SENP8: variants seen among roughly 807,000 people sequenced by gnomAD.
SENP8 encodes SUMO peptidase family member, NEDD8 specific, also known as sentrin-specific protease 8.
Under a neutral mutation model 14.4 loss-of-function variants are expected in SENP8, and 10 were observed. That is an observed-to-expected ratio of 0.69 (90% CI 0.43 to 1.18). SENP8 has a LOEUF of 1.18. SENP8 is among the 50% of genes most tolerant of loss of function. SENP8 has a pLI of 0.00. For synonymous variants in SENP8, 94 were observed against 95.5 expected, an observed-to-expected ratio of 0.98 and a Z score of 0.09; for missense variants, 202 against 249.4, an observed-to-expected ratio of 0.81 and a Z score of 1.28.
At chr15:72,128,559 G>A (rs1050197193) in intron 1 of SENP8, among the ~76,000 whole-genome samples, 6 of 152,170 alleles carry the variant, frequency 3.9e-5, no homozygotes, top group African/African-American at 1.4e-4. Flanking sequence ...ATTTCATGCT[G>A]ATTTTGCATT....
chr15:72,137,473 A>T (rs1224430005), intron 1 of SENP8, among the ~76,000 whole-genome samples: 1 of 152,122 alleles, frequency 6.6e-6, no homozygotes, highest in Admixed American at 6.5e-5. Context: ...CATCTTTATC[A>T]TACCCCTTGA....
chr15:72,115,995 A>T (rs533844842), upstream of SENP8, among the ~76,000 whole-genome samples: 18 of 152,356 alleles, frequency 1.2e-4, no homozygotes, highest in Non-Finnish European at 2.4e-4. Context: ...AATGACCTCT[A>T]GGATGTAGTA....
intron 1 of SENP8, among the ~76,000 whole-genome samples, chr15:72,137,413 C>G (rs181776479): frequency 1.8e-3 from 281 of 152,160 alleles, no homozygotes; most frequent in Admixed American, 2.8e-3. Flanking sequence ...CCCATACTAC[C>G]TTTTAAAAGA....
At position 72,143,127 on chromosome 15, in the gene SENP8, G is replaced by A. The variant is rs1204233939; in HGVS notation, c.*2865G>A. The A allele has an allele frequency of 6.6e-6, 1 of 152,222 alleles. No homozygotes were observed. The highest frequency in any genetic ancestry group is 1.5e-5 in the Non-Finnish European group (1 of 68,104). 9.4% of individuals were successfully genotyped at this position (152,222 alleles called of 1,614,324 possible). A position where few individuals can be genotyped will look rare whatever the true frequency, so the allele number is the denominator to read the frequency against. On this transcript the variant is annotated 3_prime_UTR_variant, in exon 2 of 2. Coordinates refer to ENST00000340912, the MANE Select transcript of SENP8 (RefSeq NM_145204.4). Reference sequence around the variant, plus strand: ...GCAGGAGAATCACTTGAACCTGGGAGGCGGAGGTTGCAGTGAGCTGAGATT... The same window carrying A: ...GCAGGAGAATCACTTGAACCTGGGAAGCGGAGGTTGCAGTGAGCTGAGATT...
At chr15:72,114,801 A>G (rs1031903121), upstream of SENP8, among the ~76,000 whole-genome samples, 19 of 152,218 alleles carry the variant, frequency 1.2e-4, no homozygotes, top group African/African-American at 4.6e-4. Flanking sequence ...TGGTTTTTAA[A>G]ATGTCTGAAA....
At chr15:72,117,229 TTGG>T (rs1164177271), upstream of SENP8, 1 of 152,096 alleles carries the variant, frequency 6.6e-6, no homozygotes, top group African/African-American at 2.4e-5. Flanking sequence ...GCTAGTCGGC[TTGG>T]TGATGAGCGA....
At position 72,141,803 on chromosome 15, in the gene SENP8, GAA is replaced by G. The variant is rs1363076946; in HGVS notation, c.*1542_*1543del. On this transcript the variant is annotated 3_prime_UTR_variant, in exon 2 of 2. Coordinates refer to ENST00000340912, the MANE Select transcript of SENP8 (RefSeq NM_145204.4). ...AAGATGGGGCTAGGAAAAAGATTAG[GAA>G]CTGGCAGTCATCCATAGAGGTGAAA... 1 of 151,788 alleles carries G rather than the reference GAA, an allele frequency of 6.6e-6. No homozygotes were observed. The highest frequency in any genetic ancestry group is 2.4e-5 in the African/African-American group (1 of 41,060). 9.4% of individuals were successfully genotyped at this position (151,788 alleles called of 1,614,324 possible).
chr15:72,123,764 G>A (rs977439829), intron 1 of SENP8, among the ~76,000 whole-genome samples: 1 of 152,078 alleles, frequency 6.6e-6, no homozygotes, highest in South Asian at 2.1e-4. Flanking sequence ...GATCTAGAAC[G>A]CCCGACCTCA....
At chr15:72,129,123 ACT>A (rs1167223262) in intron 1 of SENP8, among the ~76,000 whole-genome samples, 1 of 152,180 alleles carries the variant, frequency 6.6e-6, no homozygotes, top group African/African-American at 2.4e-5. Context: ...TTAATTTAAA[ACT>A]CTAATACATA....
At position 72,139,612 on chromosome 15, in the gene SENP8, C is replaced by T. The variant is rs1198734663; in HGVS notation, c.-12C>T. 2 of 1,606,416 alleles carry T rather than the reference C, an allele frequency of 1.2e-6. No individual in the cohort carries two copies. The highest frequency in any genetic ancestry group is 1.7e-6 in the Non-Finnish European group (2 of 1,175,098). On this transcript the variant is annotated 5_prime_UTR_variant, in exon 2 of 2. Transcript: ENST00000340912. ...GCTTCTGGAATTTCTGAGCAGCCCT[C>T]GTCAGTACAAGATGGACCCCGTAGT...
upstream of SENP8, chr15:72,117,789 C>A: frequency 2.5e-6 from 1 of 398,282 alleles, no homozygotes; most frequent in East Asian, 3.6e-5. Context: ...CCGAGGCCAC[C>A]GAGGGTCGGA....
chr15:72,117,348 C>T (rs1231273367), upstream of SENP8, among the ~76,000 whole-genome samples: 1 of 152,098 alleles, frequency 6.6e-6, no homozygotes, highest in Non-Finnish European at 1.5e-5. Flanking sequence ...CACGTCAGCC[C>T]AAGGGAGGAT....
At chr15:72,117,862 C>G, upstream of SENP8, 3 of 398,606 alleles carry the variant, frequency 7.5e-6, no homozygotes, top group Non-Finnish European at 1.3e-5. Flanking sequence ...GCGCATCCCC[C>G]GCCCTGTCAG....
chr15:72,141,994 A>G lies in SENP8; in HGVS notation c.*1732A>G, dbSNP rs2081383782. ...TCTGGGAAAAGTTATCTTTCTGACAATGCAAAGTATGTTTATTTAAATATC... is the reference window on the plus strand; with the variant it reads ...TCTGGGAAAAGTTATCTTTCTGACAGTGCAAAGTATGTTTATTTAAATATC... On this transcript the variant is annotated 3_prime_UTR_variant, in exon 2 of 2. Transcript: ENST00000340912. 6.6e-6 allele frequency: 1 copy of G among 152,222 alleles called. No homozygotes were observed. Among genetic ancestry groups the G allele is most frequent in the Admixed American group, 6.5e-5 (1 of 15,274 alleles). 9.4% of individuals were successfully genotyped at this position (152,222 alleles called of 1,614,324 possible).
At chr15:72,139,367 AGAG>A (rs2081358037) in intron 1 of SENP8, 3 of 455,264 alleles carry the variant, frequency 6.6e-6, no homozygotes, top group Admixed American at 7.7e-5. Flanking sequence ...AGTAGGCTGA[AGAG>A]GAGGAGGAAA....
At chr15:72,119,976 GTCT>G in intron 1 of SENP8, among the ~76,000 whole-genome samples, 1 of 152,134 alleles carries the variant, frequency 6.6e-6, no homozygotes, top group East Asian at 1.9e-4. Flanking sequence ...GTCAGCTGTT[GTCT>G]CCAGCCTTAA....
chr15:72,130,155 A>C (rs938645413), intron 1 of SENP8, among the ~76,000 whole-genome samples: 1 of 152,178 alleles, frequency 6.6e-6, no homozygotes, highest in Non-Finnish European at 1.5e-5. Context: ...GCGCCATTGC[A>C]CTCCAGCCTG....
chr15:72,117,543 G>A (rs148106509), upstream of SENP8: 61 of 356,530 alleles, frequency 1.7e-4, no homozygotes, highest in African/African-American at 1.2e-3. Flanking sequence ...TCTGGTGTTT[G>A]GGAGGCTCGG....
chr15:72,118,089 A>G, upstream of SENP8: 1 of 391,628 alleles, frequency 2.6e-6, no homozygotes, highest in Non-Finnish European at 4.5e-6. Context: ...CGCGCCCCCG[A>G]CCCCGCGCAC....
Sources: gnomAD v4.1 joint callset for allele counts (sites outside exome capture counted in the v4.1 genomes callset) on GRCh38, gnomAD v4.1.1 for gene constraint, MANE v1.5 for transcripts, NCBI Gene and HGNC (gene_info 2026-07-23, HGNC 2026-07-21) for gene names.